SVIL: variants seen among roughly 807,000 people sequenced by gnomAD.
SVIL encodes archvillin.
SVIL carries 101 observed loss-of-function variants against 240.4 expected under a neutral mutation model. That is an observed-to-expected ratio of 0.42 (90% CI 0.36 to 0.50). SVIL has a LOEUF of 0.50. Ranked by LOEUF, SVIL falls within the 20% of genes least tolerant of loss-of-function variation. The probability of loss-of-function intolerance (pLI) is 0.01; values close to 1 mark genes in which losing one functional copy is unlikely to be tolerated. For missense variants in SVIL, 2,512 were observed against 2,818.7 expected, an observed-to-expected ratio of 0.89 and a Z score of 2.46; for synonymous variants, 999 against 1,100.0, an observed-to-expected ratio of 0.91 and a Z score of 1.82.
intron 8 of SVIL, 102 bp from the exon 9 acceptor site, chr10:29,532,274 C>T: frequency 3.7e-6 from 5 of 1,369,092 alleles, no homozygotes; most frequent in South Asian, 1.4e-5. Flanking sequence ...GGGACAGACA[C>T]CACCAAACCC....
intron 1 of SVIL, among the ~76,000 whole-genome samples, chr10:29,721,968 T>C (rs1461774142): frequency 6.6e-6 from 1 of 152,110 alleles, no homozygotes; most frequent in African/African-American, 2.4e-5. Context: ...CGGGTGCTGG[T>C]GGCTCACGCT....
intron 1 of SVIL, among the ~76,000 whole-genome samples, chr10:29,713,027 G>T (rs989687820): frequency 6.6e-5 from 10 of 151,736 alleles, no homozygotes; most frequent in Non-Finnish European, 1.5e-4. Flanking sequence ...AAATACAAAA[G>T]AATTAGCTGG....
At chr10:29,469,863 C>T (rs1450346585) in intron 32 of SVIL, among the ~76,000 whole-genome samples, 1 of 152,234 alleles carries the variant, frequency 6.6e-6, no homozygotes, top group Non-Finnish European at 1.5e-5. Flanking sequence ...GGCGGTTTCC[C>T]ACACTCTTCT....
intron 1 of SVIL, among the ~76,000 whole-genome samples, chr10:29,584,729 G>A (rs1318063988): frequency 1.3e-5 from 2 of 152,154 alleles, no homozygotes; most frequent in Non-Finnish European, 2.9e-5. Flanking sequence ...CAGACGGAAC[G>A]TGCTGTGGGC....
intron 3 of SVIL, among the ~76,000 whole-genome samples, chr10:29,640,270 A>G (rs1958441799): frequency 6.6e-6 from 1 of 152,124 alleles, no homozygotes; most frequent in Non-Finnish European, 1.5e-5. Context: ...CCTGTATGGT[A>G]TCTGGCACTT....
chr10:29,594,557 TTC>T (rs1344045553), intron 1 of SVIL, among the ~76,000 whole-genome samples: 3 of 116,740 alleles, frequency 2.6e-5, no homozygotes, highest in African/African-American at 9.2e-5. Context: ...TTAATTTTTT[TTC>T]TTTTTTTTTT....
At chr10:29,706,112 A>G (rs1055903083) in intron 1 of SVIL, among the ~76,000 whole-genome samples, 32 of 152,204 alleles carry the variant, frequency 2.1e-4, no homozygotes, top group African/African-American at 7.7e-4. Flanking sequence ...TAGTGCTGCA[A>G]TAAACATGTG....
chr10:29,557,883 T>A (rs946020156), intron 3 of SVIL, among the ~76,000 whole-genome samples: 1 of 152,158 alleles, frequency 6.6e-6, no homozygotes, highest in African/African-American at 2.4e-5. Flanking sequence ...TCTGGAGAGC[T>A]CCCAGATCAC....
chr10:29,711,016 C>T (rs1056197981), intron 1 of SVIL, among the ~76,000 whole-genome samples: 7 of 152,092 alleles, frequency 4.6e-5, no homozygotes, highest in Non-Finnish European at 1.5e-5. Context: ...TAGACAAATG[C>T]GTTAAAAACT....
intron 17 of SVIL, among the ~76,000 whole-genome samples, chr10:29,500,665 G>C (rs1948810028): frequency 6.6e-6 from 1 of 152,160 alleles, no homozygotes; most frequent in Admixed American, 6.6e-5. Flanking sequence ...TATTCTAGCA[G>C]GTCCCCCACC....
chr10:29,515,805 T>C (rs1161863607), intron 16 of SVIL, among the ~76,000 whole-genome samples: 2 of 152,174 alleles, frequency 1.3e-5, no homozygotes, highest in African/African-American at 2.4e-5. Context: ...CCAGCACCTA[T>C]GTCATCGGAC....
intron 1 of SVIL, among the ~76,000 whole-genome samples, chr10:29,626,301 T>C (rs142430689): frequency 2.6e-5 from 4 of 152,284 alleles, no homozygotes; most frequent in Non-Finnish European, 4.4e-5. Context: ...ACAACAGATG[T>C]AGGGCTGAAG....
intron 1 of SVIL, among the ~76,000 whole-genome samples, chr10:29,616,563 GAATATACCATTTCAA>G (rs957133968): frequency 1.3e-5 from 2 of 152,140 alleles, no homozygotes; most frequent in Non-Finnish European, 2.9e-5. Context: ...GCAGGGTCTG[GAATATACCATTTCAA>G]AATATGCCAC....
chr10:29,682,253 C>T (rs753914598), intron 2 of SVIL, among the ~76,000 whole-genome samples: 3 of 152,274 alleles, frequency 2.0e-5, no homozygotes, highest in East Asian at 1.9e-4. Context: ...GAGTAGCCCA[C>T]GTGTAGGTAT....
At chr10:29,729,558 G>A (rs1031694593) in intron 1 of SVIL, among the ~76,000 whole-genome samples, 26 of 151,040 alleles carry the variant, frequency 1.7e-4, no homozygotes, top group African/African-American at 5.6e-4. Context: ...GCAATTGGCC[G>A]GGTGCGGTGG....
At chr10:29,478,868 T>G (rs1269503655) in intron 29 of SVIL, among the ~76,000 whole-genome samples, 8 of 135,270 alleles carry the variant, frequency 5.9e-5, no homozygotes, top group African/African-American at 2.3e-4. Context: ...AAGGCTGCAG[T>G]GAGCCGAGAT....
rs147091888 is a variant in SVIL, at chr10:29,480,790, C to G, written c.5124G>C (p.Lys1708Asn). ...QHKEDPRTDVKAYDVTRMVSM... is the reference protein window; with the variant it reads ...QHKEDPRTDVNAYDVTRMVSM... ...ACACCATCCGTGTCACATCGTATGC[C>G]TTGACATCAGTCCTGGGGTCTTCCT... Residue 1708 changes from lysine to asparagine, a missense_variant, in exon 29 of 38, where the codon AAG becomes AAC. Physicochemically the swap from Lys to Asn is moderately conservative, Grantham distance 94. Around this residue, in one of 3 missense-constraint regions of SVIL, gnomAD observed 797 missense variants for 925.3 expected, o/e 0.86. Coordinates refer to ENST00000355867, the MANE Select transcript of SVIL (RefSeq NM_021738.3). 58 of 1,611,438 alleles carry G rather than the reference C, an allele frequency of 3.6e-5. No homozygotes were observed. The African/African-American group carries it at 7.3e-4, about 20-fold the overall frequency.
intron 1 of SVIL, among the ~76,000 whole-genome samples, chr10:29,620,210 T>C (rs748414140): frequency 9.2e-5 from 14 of 151,554 alleles, no homozygotes; most frequent in Non-Finnish European, 1.5e-4. Context: ...CATGTTGTTA[T>C]GTCTTGAAGA....
chr10:29,672,849 T>A (rs1292607268), intron 2 of SVIL, among the ~76,000 whole-genome samples: 2 of 152,176 alleles, frequency 1.3e-5, no homozygotes, highest in Non-Finnish European at 2.9e-5. Flanking sequence ...ATATCTTGTT[T>A]ATTTATCTTT....
Sources: gnomAD v4.1 joint callset for allele counts (sites outside exome capture counted in the v4.1 genomes callset) on GRCh38, gnomAD v4.1.1 for gene constraint, gnomAD v4.1.1 regional missense constraint, MANE v1.5 for transcripts, NCBI Gene and HGNC (gene_info 2026-07-23, HGNC 2026-07-21) for gene names.